MS4A4E: variants seen among roughly 807,000 people sequenced by gnomAD.
MS4A4E encodes membrane spanning 4-domains A4E.
Under a neutral mutation model 13.3 loss-of-function variants are expected in MS4A4E, and 23 were observed. The observed-to-expected ratio is 1.73, with a 90% confidence interval of 1.25 to 2.45. MS4A4E has a LOEUF of 2.45. MS4A4E is among the 30% of genes most tolerant of loss of function. MS4A4E has a pLI of 0.00. For missense variants in MS4A4E, 144 were observed against 131.2 expected (o/e 1.10, Z -0.48); for synonymous variants, 36 against 45.6 (o/e 0.79, Z 0.85).
intron 1 of MS4A4E, among the ~76,000 whole-genome samples, chr11:60,238,219 T>C (rs901949801): frequency 6.6e-5 from 10 of 151,986 alleles, no homozygotes; most frequent in Non-Finnish European, 8.8e-5. Context: ...TTCCCTTCTC[T>C]TCTAGTTTTT....
chr11:60,214,739 C>T (rs1590710857), intron 3 of MS4A4E, 125 bp from the exon 4 acceptor site: 4 of 493,794 alleles, frequency 8.1e-6, no homozygotes, highest in African/African-American at 8.0e-5. Flanking sequence ...GGTCAATTAT[C>T]TTAGAAAGCA....
At chr11:60,207,969 C>T (rs1022479281) in intron 6 of MS4A4E, among the ~76,000 whole-genome samples, 1 of 152,130 alleles carries the variant, frequency 6.6e-6, no homozygotes, top group Non-Finnish European at 1.5e-5. Context: ...TAGAATAAAA[C>T]CAAGTACTTT....
chr11:60,233,578 G>A (rs559081645), intron 1 of MS4A4E, among the ~76,000 whole-genome samples: 3 of 152,326 alleles, frequency 2.0e-5, no homozygotes, highest in Non-Finnish European at 4.4e-5. Flanking sequence ...CTGCCACTAT[G>A]CCTGGAATAC....
chr11:60,239,600 G>C (rs777853997), intron 1 of MS4A4E, among the ~76,000 whole-genome samples: 2 of 152,152 alleles, frequency 1.3e-5, no homozygotes, highest in African/African-American at 2.4e-5. Context: ...TCAAAGATTG[G>C]TCAGAAGAGT....
At chr11:60,228,762 T>C in intron 2 of MS4A4E, 135 bp from the exon 3 acceptor site, 1 of 452,180 alleles carries the variant, frequency 2.2e-6, no homozygotes, top group East Asian at 3.4e-5. Flanking sequence ...GTACTAAAAA[T>C]AAATGAGCTA....
At chr11:60,206,015 T>C (rs1039593655) in intron 6 of MS4A4E, among the ~76,000 whole-genome samples, 195 bp from the exon 7 acceptor site, 1 of 152,158 alleles carries the variant, frequency 6.6e-6, no homozygotes, top group African/African-American at 2.4e-5. Flanking sequence ...ACTCCATGTA[T>C]ACCTTTACTG....
intron 3 of MS4A4E, among the ~76,000 whole-genome samples, chr11:60,227,894 T>C (rs76174656): frequency 0.033 from 5,016 of 152,038 alleles, 171 homozygotes; most frequent in East Asian, 0.15. Context: ...TGGACCTCCA[T>C]AGGCAAAAAT....
chr11:60,213,473 C>T, intron 4 of MS4A4E: 1 of 584,744 alleles, frequency 1.7e-6, no homozygotes. Flanking sequence ...GTTCTAAACA[C>T]TGCTTGCCTC....
intron 5 of MS4A4E, among the ~76,000 whole-genome samples, chr11:60,211,115 A>G (rs910690362): frequency 1.2e-4 from 18 of 152,210 alleles, no homozygotes; most frequent in African/African-American, 4.3e-4. Flanking sequence ...AAGTCTATGA[A>G]TGAAGAGAGC....
intron 3 of MS4A4E, among the ~76,000 whole-genome samples, chr11:60,218,686 G>T (rs962417078): frequency 2.0e-5 from 3 of 152,118 alleles, no homozygotes; most frequent in Admixed American, 2.0e-4. Context: ...CACTCCCAAG[G>T]CCCCTGTTTG....
intron 4 of MS4A4E, 67 bp downstream of exon 4, chr11:60,214,504 A>G: frequency 8.6e-7 from 1 of 1,160,452 alleles, no homozygotes; most frequent in South Asian, 1.6e-5. Context: ...AACCTGTTTT[A>G]TACCCTGGCA....
intron 3 of MS4A4E, among the ~76,000 whole-genome samples, chr11:60,226,636 G>T (rs907503083): frequency 3.3e-5 from 5 of 152,114 alleles, no homozygotes; most frequent in Non-Finnish European, 7.4e-5. Context: ...AGGATAACTT[G>T]TTTAGGTTGA....
At position 60,230,190 on chromosome 11, in the gene MS4A4E, T is replaced by C. The variant is rs889910271; in HGVS notation, c.-16-119A>G. On this transcript the variant is annotated intron_variant, in intron 1 of 8. Transcript: ENST00000651255. Reference sequence around the variant, plus strand: ...TGGTCTACATTCCCCTCCAATATTATAACAGTTGTTAGAGCTAGGGAAGTG... The same window carrying C: ...TGGTCTACATTCCCCTCCAATATTACAACAGTTGTTAGAGCTAGGGAAGTG... 10 of 1,136,780 alleles carry C rather than the reference T, an allele frequency of 8.8e-6. No individual in the cohort carries two copies. In the African/African-American group the frequency reaches 1.3e-4, roughly 14 times the overall value. 70.4% of individuals were successfully genotyped at this position (1,136,780 alleles called of 1,614,324 possible).
At chr11:60,228,752 G>A in intron 2 of MS4A4E, 125 bp from the exon 3 acceptor site, 1 of 457,238 alleles carries the variant, frequency 2.2e-6, no homozygotes, top group Non-Finnish European at 3.9e-6. Flanking sequence ...ATATTATTCA[G>A]TACTAAAAAT....
At chr11:60,207,206 G>A (rs897744878) in intron 6 of MS4A4E, among the ~76,000 whole-genome samples, 10 of 152,136 alleles carry the variant, frequency 6.6e-5, no homozygotes, top group African/African-American at 2.4e-4. Flanking sequence ...CAAACTCAGT[G>A]CAACATTCGA....
intron 3 of MS4A4E, among the ~76,000 whole-genome samples, chr11:60,227,799 T>C (rs1207621386): frequency 1.3e-5 from 2 of 151,842 alleles, no homozygotes; most frequent in African/African-American, 2.4e-5. Context: ...GACACAGAAG[T>C]ATAGTCAAGT....
chr11:60,232,409 A>G (rs1474087902), intron 1 of MS4A4E, among the ~76,000 whole-genome samples: 1 of 152,102 alleles, frequency 6.6e-6, no homozygotes, highest in Non-Finnish European at 1.5e-5. Flanking sequence ...AATCTTGTAG[A>G]GCACAGAAAC....
At chr11:60,226,295 C>T (rs188561916) in intron 3 of MS4A4E, among the ~76,000 whole-genome samples, 4 of 151,822 alleles carry the variant, frequency 2.6e-5, no homozygotes, top group Admixed American at 2.6e-4. Context: ...GGAGCTAGCA[C>T]TATTATCTAC....
At chr11:60,215,057 C>T (rs2084174201) in intron 3 of MS4A4E, among the ~76,000 whole-genome samples, 1 of 152,062 alleles carries the variant, frequency 6.6e-6, no homozygotes, top group African/African-American at 2.4e-5. Context: ...CTAGAATATA[C>T]TACTTCATCT....
Sources: allele counts gnomAD v4.1 joint callset (sites outside exome capture counted in the v4.1 genomes callset), GRCh38; gene constraint gnomAD v4.1.1; transcripts MANE v1.5; gene names NCBI Gene and HGNC (gene_info 2026-07-23, HGNC 2026-07-21).